Variants in TIAM1 observed in about 807,000 individuals in gnomAD.
TIAM1 encodes TIAM Rac1 associated GEF 1.
TIAM1 carries 65 observed loss-of-function variants against 163.5 expected under a neutral mutation model. The observed-to-expected ratio is 0.40, with a 90% CI of 0.33 to 0.49. The LOEUF (loss-of-function observed/expected upper bound fraction) is 0.49, where lower values mean the gene tolerates loss of function less well. TIAM1 is among the 20% of genes least tolerant of loss of function. The pLI, the probability that TIAM1 is intolerant of heterozygous loss-of-function variation, is 0.77. For missense variants in TIAM1, 1,789 were observed against 2,044.7 expected (o/e 0.87, Z 2.41); for synonymous variants, 833 against 810.1 (o/e 1.03, Z -0.48).
chr21:31,539,662 G>A (rs534869225), intron 1 of TIAM1, among the ~76,000 whole-genome samples: 14 of 152,286 alleles, frequency 9.2e-5, no homozygotes, highest in Non-Finnish European at 1.9e-4. Flanking sequence ...AAATGAGAAG[G>A]GGGAGGGCAA....
chr21:31,383,310 A>G (rs557204004), intron 2 of TIAM1, among the ~76,000 whole-genome samples: 1 of 152,310 alleles, frequency 6.6e-6, no homozygotes, highest in African/African-American at 2.4e-5. Flanking sequence ...TTTTAATCCC[A>G]GCCCTGTCAT....
intron 19 of TIAM1, among the ~76,000 whole-genome samples, chr21:31,152,102 G>A (rs964436282): frequency 2.1e-5 from 3 of 141,218 alleles, no homozygotes; most frequent in Admixed American, 7.7e-5. Flanking sequence ...CTGCAATCTC[G>A]GCTCACTGCA....
At chr21:31,352,339 T>C (rs1312715831) in intron 2 of TIAM1, among the ~76,000 whole-genome samples, 1 of 152,094 alleles carries the variant, frequency 6.6e-6, no homozygotes, top group African/African-American at 2.4e-5. Flanking sequence ...AAAGGACAAA[T>C]ATTGCATAAT....
intron 2 of TIAM1, among the ~76,000 whole-genome samples, chr21:31,437,681 A>G (rs1030850985): frequency 9.9e-5 from 15 of 151,954 alleles, no homozygotes; most frequent in Admixed American, 9.2e-4. Flanking sequence ...TTCTCACAAG[A>G]TCTGGTTGTT....
At chr21:31,383,248 A>C (rs1027065610) in intron 2 of TIAM1, among the ~76,000 whole-genome samples, 1 of 152,168 alleles carries the variant, frequency 6.6e-6, no homozygotes, top group African/African-American at 2.4e-5. Flanking sequence ...TCAAAAAAAA[A>C]AGTGTAAAAC....
chr21:31,362,300 A>G (rs904656973), intron 2 of TIAM1, among the ~76,000 whole-genome samples: 3 of 151,968 alleles, frequency 2.0e-5, no homozygotes, highest in African/African-American at 7.3e-5. Flanking sequence ...GGACATGACA[A>G]TTCCAGCCCA....
At chr21:31,513,516 C>T (rs933355104) in intron 1 of TIAM1, among the ~76,000 whole-genome samples, 1 of 152,208 alleles carries the variant, frequency 6.6e-6, no homozygotes, top group Non-Finnish European at 1.5e-5. Context: ...GACCCACAAG[C>T]TCTCACCCTT....
At chr21:31,517,982 C>T (rs1289771462) in intron 1 of TIAM1, among the ~76,000 whole-genome samples, 4 of 152,176 alleles carry the variant, frequency 2.6e-5, no homozygotes, top group Admixed American at 6.5e-5. Flanking sequence ...CAGCCCTCAC[C>T]GCCCCTTCGA....
At chr21:31,209,398 G>A (rs2833336) in intron 11 of TIAM1, among the ~76,000 whole-genome samples, 2,949 of 152,272 alleles carry the variant, frequency 0.019, 68 homozygotes, top group Middle Eastern at 0.099. Context: ...GGTTCACTTT[G>A]AAAAAGATCA....
intron 16 of TIAM1, among the ~76,000 whole-genome samples, chr21:31,159,725 T>C (rs750915879): frequency 2.0e-5 from 3 of 152,350 alleles, no homozygotes; most frequent in East Asian, 3.9e-4. Context: ...AAGTTTAAGT[T>C]TGATTAAATG....
chr21:31,369,816 C>T (rs568135206), intron 2 of TIAM1, among the ~76,000 whole-genome samples: 2 of 152,084 alleles, frequency 1.3e-5, no homozygotes, highest in Non-Finnish European at 2.9e-5. Context: ...GGTGAAACCC[C>T]GTCTCTACTA....
intron 2 of TIAM1, among the ~76,000 whole-genome samples, chr21:31,288,083 AC>A (rs1265705549): frequency 1.3e-5 from 2 of 151,796 alleles, no homozygotes; most frequent in Non-Finnish European, 2.9e-5. Context: ...TGACAATAAC[AC>A]CTTCCACTCT....
intron 2 of TIAM1, among the ~76,000 whole-genome samples, chr21:31,429,654 G>A (rs148132902): frequency 7.2e-4 from 110 of 152,166 alleles, no homozygotes; most frequent in Middle Eastern, 3.4e-3. Flanking sequence ...GTCAAGCAGA[G>A]TTAGGCGTGG....
chr21:31,324,290 T>C (rs1288701547), intron 2 of TIAM1, among the ~76,000 whole-genome samples: 1 of 151,310 alleles, frequency 6.6e-6, no homozygotes, highest in Non-Finnish European at 1.5e-5. Context: ...GAGGCGGAGG[T>C]TGCAGTGAGC....
At chr21:31,553,954 G>A (rs1269845085) in intron 1 of TIAM1, among the ~76,000 whole-genome samples, 1 of 151,954 alleles carries the variant, frequency 6.6e-6, no homozygotes, top group Non-Finnish European at 1.5e-5. Flanking sequence ...GGCTTTCTGG[G>A]GCTCATTATT....
intron 2 of TIAM1, among the ~76,000 whole-genome samples, chr21:31,387,355 T>C (rs971474898): frequency 1.8e-4 from 28 of 151,654 alleles, no homozygotes; most frequent in African/African-American, 6.3e-4. Context: ...CCCGAGTAGC[T>C]GGGATTATAG....
At chr21:31,181,887 C>T (rs867560307) in intron 15 of TIAM1, among the ~76,000 whole-genome samples, 1 of 145,554 alleles carries the variant, frequency 6.9e-6, no homozygotes. Flanking sequence ...TGGGCCCAAG[C>T]GATCCTCCTG....
intron 6 of TIAM1, among the ~76,000 whole-genome samples, chr21:31,230,556 A>C (rs2088351860): frequency 6.6e-6 from 1 of 151,428 alleles, no homozygotes; most frequent in Non-Finnish European, 1.5e-5. Flanking sequence ...ACAGAATCTC[A>C]CTCTGTTGCC....
In TIAM1 at chr21:31,246,777, G is replaced by A. The variant is rs568538233; in HGVS notation, c.1412-1117C>T. Among the ~76,000 whole-genome samples the A allele has an allele frequency of 1.7e-4, 26 of 152,234 alleles. 1 individual carries two copies. The South Asian group carries it at 5.2e-3, about 30-fold the overall frequency. On this transcript the variant is annotated intron_variant, in intron 5 of 27. Transcript: ENST00000541036. Reference sequence around the variant, plus strand: ...CCACAGAATAGCTGTTGAACTCTACGTCCCTCCAAACAGATGAATGTAGCA... The same window carrying A: ...CCACAGAATAGCTGTTGAACTCTACATCCCTCCAAACAGATGAATGTAGCA...
Sources: allele counts gnomAD v4.1 joint callset (sites outside exome capture counted in the v4.1 genomes callset), GRCh38; gene constraint gnomAD v4.1.1; transcripts MANE v1.5; gene names NCBI Gene and HGNC (gene_info 2026-07-23, HGNC 2026-07-21).